Variants in ADCY10 observed in about 807,000 individuals in gnomAD.
The protein encoded by ADCY10 is adenylate cyclase 10, also known as adenylate cyclase type 10.
Under a neutral mutation model 183.3 loss-of-function variants are expected in ADCY10, and 156 were observed. That is an observed-to-expected ratio of 0.85 (90% CI 0.75 to 0.97). The LOEUF (loss-of-function observed/expected upper bound fraction) is 0.97, where lower values mean the gene tolerates loss of function less well. ADCY10 is among the 50% of genes least tolerant of loss of function. The probability of loss-of-function intolerance (pLI) is 0.00; values close to 1 mark genes in which losing one functional copy is unlikely to be tolerated. For missense variants in ADCY10, 1,745 were observed against 1,934.3 expected (o/e 0.90, Z 1.84); for synonymous variants, 645 against 670.0 (o/e 0.96, Z 0.58).
rs776658687 is a variant in ADCY10 at position 167,856,332 on chromosome 1, G to A, written c.2004C>T (p.Ile668=). Residue 668 remains isoleucine (I), a synonymous_variant, in exon 17 of 33, where the codon ATC becomes ATT. Coordinates refer to ENST00000367851, the MANE Select transcript of ADCY10 (RefSeq NM_018417.6). The part of the protein sequence containing the change: ...EKLIRTLPIF[I]IMSLCPFVNI... ...TAACGAAGGGACACAGGGACATAAT[G>A]ATGAAGATAGGAAGAGTCCGGATAA... 16 of 1,614,016 alleles carry A rather than the reference G, an allele frequency of 9.9e-6. No homozygotes were observed. The highest frequency in any genetic ancestry group is 1.4e-5 in the Non-Finnish European group (16 of 1,179,932).
At chr1:167,902,202 C>CA (rs1669481129) in intron 3 of ADCY10, 148 bp from the exon 4 acceptor site, 1 of 818,068 alleles carries the variant, frequency 1.2e-6, no homozygotes, top group Admixed American at 2.3e-5. Flanking sequence ...CCAGACAAGC[C>CA]ACTTAACCCA....
At chr1:167,843,266 G>T (rs1238089728) in intron 21 of ADCY10, among the ~76,000 whole-genome samples, 1 of 152,196 alleles carries the variant, frequency 6.6e-6, no homozygotes, top group African/African-American at 2.4e-5. Flanking sequence ...TATTCTAGCT[G>T]TCAGTGTATT....
At chr1:167,872,367 TAAA>T (rs35237139) in intron 13 of ADCY10, among the ~76,000 whole-genome samples, 2 of 142,014 alleles carry the variant, frequency 1.4e-5, no homozygotes, top group Non-Finnish European at 1.5e-5. Flanking sequence ...TAAGGAAGCT[TAAA>T]AAAAAAAAAA....
In ADCY10 at chr1:167,809,795, A is replaced by G. The variant is rs1265151545; in HGVS notation, c.4716T>C (p.Leu1572=). The change falls in exon 33 of 33, where the codon CTT becomes CTC. Residue 1572 remains leucine, a synonymous_variant. Coordinates refer to ENST00000367851, the MANE Select transcript of ADCY10 (RefSeq NM_018417.6). ...STSELKEDQW[L]QTILSLPSWE... ...ATGATGGGAGACTCAAGATCGTCTGAAGCCATTGGTCTTCTTTTAACTCAG... is the reference window on the plus strand; with the variant it reads ...ATGATGGGAGACTCAAGATCGTCTGGAGCCATTGGTCTTCTTTTAACTCAG... The G allele has an allele frequency of 6.2e-7, 1 of 1,614,174 alleles. No homozygotes were observed. The highest frequency in any genetic ancestry group is 2.2e-5 in the East Asian group (1 of 44,874).
intron 1 of ADCY10, among the ~76,000 whole-genome samples, chr1:167,907,283 TTGAGATAATACA>T (rs1669884324): frequency 6.6e-6 from 1 of 152,258 alleles, no homozygotes; most frequent in Admixed American, 6.5e-5. Flanking sequence ...AATGTATTTG[TTGAGATAATACA>T]GGTTATGTTT....
chr1:167,844,560 G>T (rs1571280969), intron 21 of ADCY10, among the ~76,000 whole-genome samples: 1 of 152,232 alleles, frequency 6.6e-6, no homozygotes, highest in East Asian at 1.9e-4. Context: ...ATTGAATAAA[G>T]CCTGTCACTC....
At chr1:167,812,343 T>C (rs1662270602) in intron 31 of ADCY10, among the ~76,000 whole-genome samples, 1 of 152,220 alleles carries the variant, frequency 6.6e-6, no homozygotes, top group South Asian at 2.1e-4. Context: ...CATTAAATAC[T>C]AGGACATTCA....
chr1:167,878,380 C>T, intron 12 of ADCY10, 66 bp downstream of exon 12: 2 of 1,556,838 alleles, frequency 1.3e-6, no homozygotes, highest in South Asian at 2.2e-5. Flanking sequence ...TGGGTGACTG[C>T]TTTGCTATCA....
At chr1:167,887,295 C>T (rs1466740995) in intron 8 of ADCY10, among the ~76,000 whole-genome samples, 2 of 152,126 alleles carry the variant, frequency 1.3e-5, no homozygotes, top group Admixed American at 1.3e-4. Context: ...TGGAACCAAC[C>T]CAAATGTCCA....
Position 167,842,856 on chromosome 1 carries a change from T to C in ADCY10, c.3007+2707A>G, listed in dbSNP as rs556342536. Among the ~76,000 whole-genome samples the C allele has an allele frequency of 1.3e-3, 202 of 152,310 alleles. 1 individual carries two copies. The highest frequency in any genetic ancestry group is 1.7e-3 in the Non-Finnish European group (118 of 68,042). ...TCTTAAAAATCAGTAAAAGCAATGTTAATATACCATTTAGTATATGGAGGT... is the reference window on the plus strand; with the variant it reads ...TCTTAAAAATCAGTAAAAGCAATGTCAATATACCATTTAGTATATGGAGGT... On this transcript the variant is annotated intron_variant, in intron 21 of 32. Transcript: ENST00000367851.
intron 14 of ADCY10, among the ~76,000 whole-genome samples, chr1:167,866,980 A>G (rs1666745244): frequency 6.6e-6 from 1 of 152,188 alleles, no homozygotes; most frequent in Non-Finnish European, 1.5e-5. Flanking sequence ...AGTCCCCCCC[A>G]TGCTGTGGTG....
At chr1:167,895,296 A>G (rs534999840) in intron 7 of ADCY10, among the ~76,000 whole-genome samples, 1 of 152,266 alleles carries the variant, frequency 6.6e-6, no homozygotes, top group South Asian at 2.1e-4. Context: ...AGTAAAGCTC[A>G]AGGAGTGGGT....
chr1:167,861,096 G>T lies in ADCY10; in HGVS notation c.1617-33C>A, dbSNP rs780164684. The T allele has an allele frequency of 2.8e-5, 43 of 1,562,984 alleles. No homozygotes were observed. The African/African-American group carries it at 4.2e-4, about 15-fold the overall frequency. On this transcript the variant is annotated intron_variant, in intron 14 of 32. Coordinates refer to ENST00000367851, the MANE Select transcript of ADCY10 (RefSeq NM_018417.6). The stretch of plus-strand genomic sequence containing the variant: ...TGAGAAAATCAAGAAACAGAAGAGA[G>T]TTTTTAAATATATATTTTTGAAAAT...
At chr1:167,855,759 C>T (rs1281358890) in intron 17 of ADCY10, among the ~76,000 whole-genome samples, 1 of 152,160 alleles carries the variant, frequency 6.6e-6, no homozygotes, top group Non-Finnish European at 1.5e-5. Context: ...CACCTGTAAT[C>T]CCAGCATTTT....
intron 32 of ADCY10, 69 bp downstream of exon 32, chr1:167,810,656 C>T: frequency 6.8e-7 from 1 of 1,464,078 alleles, no homozygotes; most frequent in African/African-American, 1.4e-5. Context: ...CCTAACCAGG[C>T]AGTAGGCTTC....
intron 11 of ADCY10, among the ~76,000 whole-genome samples, chr1:167,878,958 A>G (rs1260015320): frequency 6.6e-6 from 1 of 152,240 alleles, no homozygotes; most frequent in Non-Finnish European, 1.5e-5. Context: ...AGAAGGTGTC[A>G]GTTGGTCTTC....
chr1:167,833,893 T>C, intron 24 of ADCY10, 77 bp downstream of exon 24: 3 of 1,137,082 alleles, frequency 2.6e-6, no homozygotes, highest in Non-Finnish European at 3.9e-6. Flanking sequence ...GTGTAGAAAG[T>C]ATAGGGATGA....
intron 1 of ADCY10, among the ~76,000 whole-genome samples, chr1:167,911,399 C>G (rs1057493110): frequency 6.6e-6 from 1 of 152,228 alleles, no homozygotes; most frequent in African/African-American, 2.4e-5. Context: ...TAAATATTTG[C>G]CCTGGCATGC....
chr1:167,897,997 C>CAAAAAAAAAA (rs1163013935), intron 6 of ADCY10, among the ~76,000 whole-genome samples: 3 of 17,390 alleles, frequency 1.7e-4, no homozygotes, highest in African/African-American at 9.3e-4. Flanking sequence ...GACTCTGTCT[C>CAAAAAAAAAA]AAAAAAAAAA....
Sources: allele counts gnomAD v4.1 joint callset (sites outside exome capture counted in the v4.1 genomes callset), GRCh38; gene constraint gnomAD v4.1.1; transcripts MANE v1.5; gene names NCBI Gene and HGNC (gene_info 2026-07-23, HGNC 2026-07-21).